The following NCOA1 variants were observed in gnomAD, a reference collection of about 807,000 sequenced individuals.
NCOA1 encodes the protein Hin-2 protein.
A neutral mutation model predicts 150.9 loss-of-function variants in NCOA1; 35 were observed. That is an observed-to-expected ratio of 0.23 (90% CI 0.18 to 0.31). The LOEUF (loss-of-function observed/expected upper bound fraction) is 0.31, where lower values mean the gene tolerates loss of function less well. Among genes scored for constraint, NCOA1 ranks in the 10% least tolerant of loss-of-function variants. The pLI is 1.00. For synonymous variants in NCOA1, 590 were observed against 630.0 expected (o/e 0.94, Z 0.95); for missense variants, 1,491 against 1,749.3 (o/e 0.85, Z 2.63).
At chr2:24,588,959 A>G (rs1163092213) in intron 3 of NCOA1, among the ~76,000 whole-genome samples, 1 of 152,192 alleles carries the variant, frequency 6.6e-6, no homozygotes, top group Non-Finnish European at 1.5e-5. Flanking sequence ...GATGGCCGGA[A>G]GAAGAGTACC....
chr2:24,638,179 A>C (rs373384238), intron 3 of NCOA1, among the ~76,000 whole-genome samples: 1 of 117,326 alleles, frequency 8.5e-6, no homozygotes, highest in East Asian at 2.4e-4. Flanking sequence ...TATGAGATCA[A>C]CTTTTTTTTT....
At chr2:24,618,690 C>T (rs1668983553) in intron 3 of NCOA1, among the ~76,000 whole-genome samples, 1 of 152,064 alleles carries the variant, frequency 6.6e-6, no homozygotes, top group Admixed American at 6.6e-5. Context: ...ACTGCCATAC[C>T]TTGCCCTTGC....
intron 2 of NCOA1, among the ~76,000 whole-genome samples, chr2:24,566,862 C>T (rs1301331931): frequency 6.6e-6 from 1 of 152,246 alleles, no homozygotes; most frequent in Non-Finnish European, 1.5e-5. Flanking sequence ...CAGGAAGAGA[C>T]CAGGCAGTGG....
At chr2:24,625,750 T>C (rs1030618566) in intron 3 of NCOA1, among the ~76,000 whole-genome samples, 1 of 69,302 alleles carries the variant, frequency 1.4e-5, no homozygotes, top group African/African-American at 3.2e-5. Context: ...TTTTCTGTTT[T>C]GTTTTTTTTT....
intron 3 of NCOA1, among the ~76,000 whole-genome samples, chr2:24,633,408 G>C (rs1669794063): frequency 6.6e-6 from 1 of 151,950 alleles, no homozygotes; most frequent in African/African-American, 2.4e-5. Context: ...GTGCAGGAGG[G>C]CCAGCTCTGT....
chr2:24,589,089 A>G (rs964468783), intron 3 of NCOA1, among the ~76,000 whole-genome samples: 2 of 152,100 alleles, frequency 1.3e-5, no homozygotes, highest in Non-Finnish European at 2.9e-5. Flanking sequence ...ACGTGCCCAC[A>G]ACAGAATCTA....
rs1663638926 is a variant in NCOA1, at chr2:24,742,185, A to G, written c.3705A>G (p.Ala1235=). ...MQQNVFQYPG[A]GMVPQGEANF... ...AGAATGTCTTCCAGTATCCAGGAGC[A>G]GGTAGGAAGGTCACAACTTTATGTT... Residue 1235 remains alanine, a splice_region_variant and synonymous_variant, in exon 19 of 23, where the codon GCA becomes GCG. Coordinates refer to ENST00000348332, the MANE Select transcript of NCOA1 (RefSeq NM_003743.5). 6.2e-7 allele frequency: 1 copy of G among 1,606,216 alleles called. No homozygotes were observed. Among genetic ancestry groups the G allele is most frequent in the African/African-American group, 1.3e-5 (1 of 74,950 alleles).
chr2:24,520,824 T>A (rs1664386553), intron 1 of NCOA1, among the ~76,000 whole-genome samples: 1 of 152,156 alleles, frequency 6.6e-6, no homozygotes, highest in Non-Finnish European at 1.5e-5. Flanking sequence ...TGGGAAAAGG[T>A]CAAAGTCTGT....
At chr2:24,603,753 T>A (rs1315129232) in intron 3 of NCOA1, among the ~76,000 whole-genome samples, 1 of 152,226 alleles carries the variant, frequency 6.6e-6, no homozygotes, top group Non-Finnish European at 1.5e-5. Flanking sequence ...CTTGAACTCA[T>A]AAAAGTCATC....
At chr2:24,702,262 T>C (rs559018320) in intron 11 of NCOA1, among the ~76,000 whole-genome samples, 85 of 152,332 alleles carry the variant, frequency 5.6e-4, no homozygotes, top group Non-Finnish European at 1.2e-3. Context: ...AGTTTACTCA[T>C]TGGTGATTGA....
intron 10 of NCOA1, among the ~76,000 whole-genome samples, chr2:24,695,573 A>G (rs75723760): frequency 0.015 from 2,280 of 152,310 alleles, 63 homozygotes; most frequent in Admixed American, 0.068. Flanking sequence ...GCTAAAAAGA[A>G]TAAGTATAAT....
chr2:24,547,988 C>CCTAA (rs1665670548), intron 1 of NCOA1, among the ~76,000 whole-genome samples: 1 of 74,916 alleles, frequency 1.3e-5, no homozygotes, highest in Non-Finnish European at 2.4e-5. Context: ...GACTCTGTCT[C>CCTAA]AAAAAAAAAA....
At chr2:24,523,607 A>G (rs1375009550) in intron 1 of NCOA1, among the ~76,000 whole-genome samples, 1 of 103,716 alleles carries the variant, frequency 9.6e-6, no homozygotes, top group Non-Finnish European at 1.8e-5. Flanking sequence ...CTCCGTCTCA[A>G]AAAAAAAAAA....
At chr2:24,567,558 TAGAC>T (rs776496561) in intron 2 of NCOA1, among the ~76,000 whole-genome samples, 7 of 152,226 alleles carry the variant, frequency 4.6e-5, no homozygotes, top group South Asian at 2.1e-4. Flanking sequence ...TGTGCAGTCA[TAGAC>T]TGTGTACATC....
rs1442248157 is a variant in NCOA1, at chr2:24,516,999, C to T, written c.-396+25397C>T. On this transcript the variant is annotated intron_variant, in intron 1 of 22. Transcript: ENST00000348332. The stretch of plus-strand genomic sequence containing the variant: ...ACACATATACGTATATATATACACA[C>T]GCGCGCACACACACACACACACACA... Among the ~76,000 whole-genome samples, 4 of 21,742 alleles carry T rather than the reference C, an allele frequency of 1.8e-4. No individual in the cohort carries two copies. In the South Asian group the frequency reaches 7.0e-3, roughly 38 times the overall value. The allele number at this position is 21,742 out of a possible 152,430, so 14.3% of individuals were successfully genotyped here. A position where few individuals can be genotyped will look rare whatever the true frequency, so the allele number is the denominator to read the frequency against.
chr2:24,700,131 G>A (rs1271243210), intron 11 of NCOA1, among the ~76,000 whole-genome samples: 4 of 147,508 alleles, frequency 2.7e-5, no homozygotes, highest in African/African-American at 7.5e-5. Flanking sequence ...CAACAAGAGC[G>A]AAACTTCATC....
At chr2:24,690,966 C>T (rs1023711740) in intron 8 of NCOA1, among the ~76,000 whole-genome samples, 46 of 152,164 alleles carry the variant, frequency 3.0e-4, no homozygotes, top group African/African-American at 8.9e-4. Flanking sequence ...ATTGAGATTG[C>T]GCTATATTCT....
At chr2:24,713,516 T>G (rs1048561499) in intron 14 of NCOA1, among the ~76,000 whole-genome samples, 3 of 152,196 alleles carry the variant, frequency 2.0e-5, no homozygotes, top group African/African-American at 4.8e-5. Flanking sequence ...AAAGGTAATA[T>G]TGGAACTAGA....
intron 7 of NCOA1, 102 bp from the exon 8 acceptor site, chr2:24,682,849 C>G (rs1672240163): frequency 1.0e-6 from 1 of 979,768 alleles, no homozygotes. Context: ...GAGACCAGGT[C>G]TTGACATATA....
Sources: allele counts gnomAD v4.1 joint callset (sites outside exome capture counted in the v4.1 genomes callset), GRCh38; gene constraint gnomAD v4.1.1; transcripts MANE v1.5; gene names NCBI Gene and HGNC (gene_info 2026-07-23, HGNC 2026-07-21).